CLVS1: variants seen among roughly 807,000 people sequenced by gnomAD.
CLVS1 encodes the protein clavesin-1.
In CLVS1, 10 loss-of-function variants were observed where a neutral mutation model predicts 33.1. The ratio of observed to expected loss-of-function variants is 0.30; its 90% CI spans 0.19 to 0.51. The LOEUF (loss-of-function observed/expected upper bound fraction) is 0.51, where lower values mean the gene tolerates loss of function less well. Ranked by LOEUF, CLVS1 falls within the 20% of genes least tolerant of loss-of-function variation. The pLI is 0.97. For synonymous variants in CLVS1, 163 were observed against 166.1 expected, an observed-to-expected ratio of 0.98 and a Z score of 0.14; for missense variants, 343 against 433.4, an observed-to-expected ratio of 0.79 and a Z score of 1.85.
At chr8:61,083,534 C>T (rs77975773) in intron 1 of CLVS1, among the ~76,000 whole-genome samples, 2,290 of 151,966 alleles carry the variant, frequency 0.015, 33 homozygotes, top group Non-Finnish European at 0.021. Context: ...AACTGAGCAA[C>T]GGGAGAAGAC....
chr8:61,345,348 C>A (rs917661562), intron 2 of CLVS1, among the ~76,000 whole-genome samples: 8 of 152,122 alleles, frequency 5.3e-5, no homozygotes, highest in African/African-American at 1.9e-4. Flanking sequence ...TATTTTCATT[C>A]TCAAAGCAAA....
At chr8:61,163,982 G>A (rs530694160) in intron 2 of CLVS1, among the ~76,000 whole-genome samples, 33 of 152,288 alleles carry the variant, frequency 2.2e-4, no homozygotes, top group Non-Finnish European at 3.4e-4. Flanking sequence ...CCCATACAAT[G>A]GGAGGGGACC....
At chr8:61,256,656 A>T (rs1056065663) in intron 2 of CLVS1, among the ~76,000 whole-genome samples, 7 of 152,204 alleles carry the variant, frequency 4.6e-5, no homozygotes, top group Non-Finnish European at 1.0e-4. Flanking sequence ...AAAAAAAAAA[A>T]ATATTATTTT....
At chr8:61,309,058 T>G (rs1404396323) in intron 2 of CLVS1, among the ~76,000 whole-genome samples, 3 of 152,210 alleles carry the variant, frequency 2.0e-5, no homozygotes, top group African/African-American at 7.2e-5. Flanking sequence ...GGTGGCTCAA[T>G]GTAAACAACG....
intron 2 of CLVS1, among the ~76,000 whole-genome samples, chr8:61,276,718 A>C (rs533921324): frequency 6.6e-6 from 1 of 152,370 alleles, no homozygotes; most frequent in South Asian, 2.1e-4. Context: ...AAAATGAATA[A>C]AATGATACAA....
At chr8:61,219,193 G>GA (rs1808157630) in intron 2 of CLVS1, among the ~76,000 whole-genome samples, 1 of 151,642 alleles carries the variant, frequency 6.6e-6, no homozygotes, top group Non-Finnish European at 1.5e-5. Flanking sequence ...TCTTCTTTTA[G>GA]AAAAAATGGG....
chr8:61,223,301 T>C (rs973367192), intron 2 of CLVS1, among the ~76,000 whole-genome samples: 4 of 152,228 alleles, frequency 2.6e-5, no homozygotes, highest in Non-Finnish European at 4.4e-5. Flanking sequence ...GGTGTGTTTT[T>C]GCAGTGTCTG....
chr8:61,256,037 C>T (rs1809073999), intron 2 of CLVS1, among the ~76,000 whole-genome samples: 2 of 152,012 alleles, frequency 1.3e-5, no homozygotes, highest in Non-Finnish European at 2.9e-5. Context: ...TACATTGTTG[C>T]ACAATCATCA....
rs74435318 is a variant in CLVS1, at chr8:61,339,765, G to C, written c.456-36840G>C. Among the ~76,000 whole-genome samples the C allele has an allele frequency of 5.9e-3, 851 of 145,410 alleles. 22 individuals are homozygous for C. The East Asian group carries it at 0.09, about 15-fold the overall frequency. On this transcript the variant is annotated intron_variant, in intron 2 of 5. Transcript: ENST00000325897. ...AAAGAGAGAAGGAGGGAGGGAGAAA[G>C]AGAGGGAAGGAAAGAAAACAAGAAA...
intron 3 of CLVS1, among the ~76,000 whole-genome samples, chr8:61,443,465 A>T (rs1295520209): frequency 6.6e-6 from 1 of 152,036 alleles, no homozygotes; most frequent in Non-Finnish European, 1.5e-5. Flanking sequence ...TTCTCTGTGG[A>T]TGTCCTATTG....
chr8:61,469,997 A>G (rs139145194), intron 5 of CLVS1, among the ~76,000 whole-genome samples: 2,134 of 152,368 alleles, frequency 0.014, 17 homozygotes, highest in Non-Finnish European at 0.021. Context: ...AAGGTAAGCC[A>G]TAAATTCCCA....
intron 2 of CLVS1, among the ~76,000 whole-genome samples, chr8:61,308,691 T>G (rs1406010295): frequency 1.3e-5 from 2 of 152,166 alleles, no homozygotes; most frequent in African/African-American, 4.8e-5. Flanking sequence ...GGAGACTGTC[T>G]AGAAACATCT....
At chr8:61,145,021 G>A (rs974613951) in intron 2 of CLVS1, among the ~76,000 whole-genome samples, 2 of 152,288 alleles carry the variant, frequency 1.3e-5, no homozygotes, top group Admixed American at 6.5e-5. Flanking sequence ...GTGAGCCACC[G>A]CACCCGGCCA....
chr8:61,065,027 A>G (rs1224582247), intron 1 of CLVS1, among the ~76,000 whole-genome samples: 1 of 152,140 alleles, frequency 6.6e-6, no homozygotes, highest in African/African-American at 2.4e-5. Flanking sequence ...TTAAAGGACT[A>G]ATATGTTCCT....
intron 3 of CLVS1, among the ~76,000 whole-genome samples, chr8:61,427,968 C>T (rs1220283038): frequency 6.6e-6 from 1 of 152,124 alleles, no homozygotes; most frequent in Non-Finnish European, 1.5e-5. Flanking sequence ...ACGATATGCA[C>T]CAATAACACA....
At chr8:61,253,774 G>T (rs909967220) in intron 2 of CLVS1, among the ~76,000 whole-genome samples, 31 of 152,176 alleles carry the variant, frequency 2.0e-4, no homozygotes, top group African/African-American at 7.5e-4. Flanking sequence ...AGCTCCATCA[G>T]GTCCTTTAAG....
intron 2 of CLVS1, among the ~76,000 whole-genome samples, chr8:61,222,340 A>C (rs1258238646): frequency 6.6e-6 from 1 of 151,972 alleles, no homozygotes; most frequent in African/African-American, 2.4e-5. Context: ...TTTCTCTCTT[A>C]ATACTGCCTT....
chr8:61,375,785 A>T (rs1370034876), intron 2 of CLVS1, among the ~76,000 whole-genome samples: 1 of 152,234 alleles, frequency 6.6e-6, no homozygotes, highest in Non-Finnish European at 1.5e-5. Context: ...CTAAGATCTT[A>T]GATTTATAGC....
At chr8:61,219,880 T>C (rs1185800943) in intron 2 of CLVS1, among the ~76,000 whole-genome samples, 1 of 152,254 alleles carries the variant, frequency 6.6e-6, no homozygotes, top group African/African-American at 2.4e-5. Flanking sequence ...GGTTTTGATT[T>C]GCATTTCTCT....
Sources: gnomAD v4.1 joint callset for allele counts (sites outside exome capture counted in the v4.1 genomes callset) on GRCh38, gnomAD v4.1.1 for gene constraint, MANE v1.5 for transcripts, NCBI Gene and HGNC (gene_info 2026-07-23, HGNC 2026-07-21) for gene names.